The following JAML variants were observed in gnomAD, a reference collection of about 807,000 sequenced individuals.
The protein encoded by JAML is junctional adhesion molecule-like.
A neutral mutation model predicts 39.3 loss-of-function variants in JAML; 25 were observed. That is an observed-to-expected ratio of 0.64 (90% CI 0.46 to 0.89). The LOEUF (loss-of-function observed/expected upper bound fraction) is 0.89. Ranked by LOEUF, JAML falls within the 40% of genes least tolerant of loss-of-function variation. JAML has a pLI of 0.00. For synonymous variants in JAML, 162 were observed against 179.2 expected, an observed-to-expected ratio of 0.90 and a Z score of 0.77; for missense variants, 440 against 486.9, an observed-to-expected ratio of 0.90 and a Z score of 0.91.
In JAML at chr11:118,210,732, T is replaced by C; in HGVS notation, c.199-20A>G. ...TTCGTCCTGAAGGGCAAAACAGTGTTGGAGACAATCAAAAGAGGTGCCAGA... is the reference window on the plus strand; with the variant it reads ...TTCGTCCTGAAGGGCAAAACAGTGTCGGAGACAATCAAAAGAGGTGCCAGA... On this transcript the variant is annotated intron_variant, in intron 3 of 9. Coordinates refer to ENST00000356289, the MANE Select transcript of JAML (RefSeq NM_001098526.2). The C allele has an allele frequency of 6.2e-7, 1 of 1,603,656 alleles. No individual in the cohort carries two copies. The highest frequency in any genetic ancestry group is 8.5e-7 in the Non-Finnish European group (1 of 1,170,552).
intron 5 of JAML, chr11:118,204,040 C>CA (rs1000616177): frequency 4.2e-6 from 1 of 236,874 alleles, no homozygotes; most frequent in Non-Finnish European, 8.5e-6. Flanking sequence ...ATCTTTCCCC[C>CA]AAACCAGTTC....
At chr11:118,218,389 G>A (rs964159652) in intron 1 of JAML, among the ~76,000 whole-genome samples, 1 of 152,084 alleles carries the variant, frequency 6.6e-6, no homozygotes, top group Admixed American at 6.5e-5. Context: ...TGCTATGCCC[G>A]GCAGCCACAT....
At chr11:118,201,012 C>T (rs2134648579) in intron 6 of JAML, 2 of 173,230 alleles carry the variant, frequency 1.2e-5, no homozygotes, top group South Asian at 2.6e-4. Context: ...GTGACGATAC[C>T]AAGTAAAGCC....
At chr11:118,202,718 A>G (rs1157594913) in intron 6 of JAML, 1 of 345,750 alleles carries the variant, frequency 2.9e-6, no homozygotes, top group African/African-American at 2.2e-5. Flanking sequence ...GGCCTGAGGT[A>G]TGAGGTATGT....
chr11:118,210,273 G>T lies in JAML; in HGVS notation c.424+214C>A, dbSNP rs543010869. Among the ~76,000 whole-genome samples, 55 of 152,246 alleles carry T rather than the reference G, an allele frequency of 3.6e-4. 1 individual carries two copies. In the South Asian group the frequency reaches 0.011, roughly 31 times the overall value. ...CAGGGCTTTTGTGAGGGGGAAGTGT[G>T]TTTAAAGTAATAATACAATAATTAT... On this transcript the variant is annotated intron_variant, in intron 4 of 9. Coordinates refer to ENST00000356289, the MANE Select transcript of JAML (RefSeq NM_001098526.2).
chr11:118,206,745 G>A (rs1397380836), intron 4 of JAML, among the ~76,000 whole-genome samples: 2 of 151,970 alleles, frequency 1.3e-5, no homozygotes, highest in Non-Finnish European at 2.9e-5. Context: ...TCTTCCTTCT[G>A]ACTATTGTAC....
At chr11:118,203,838 C>T (rs974239627) in intron 5 of JAML, 173 bp from the exon 6 acceptor site, 7 of 604,444 alleles carry the variant, frequency 1.2e-5, no homozygotes, top group South Asian at 5.8e-5. Context: ...CATGTGCATG[C>T]GTGTGTACTT....
chr11:118,194,514 GC>G, intron 9 of JAML, 97 bp from the exon 10 acceptor site: 1 of 928,712 alleles, frequency 1.1e-6, no homozygotes, highest in Non-Finnish European at 1.7e-6. Context: ...CATGAGCCCG[GC>G]CCAGTACTGA....
intron 7 of JAML, among the ~76,000 whole-genome samples, chr11:118,199,283 A>C (rs1591459887): frequency 6.6e-6 from 1 of 152,218 alleles, no homozygotes; most frequent in Non-Finnish European, 1.5e-5. Flanking sequence ...CGACAGGGGA[A>C]GTAAGCTGAG....
chr11:118,202,442 A>G (rs1452981698), intron 6 of JAML: 1 of 156,456 alleles, frequency 6.4e-6, no homozygotes, highest in Non-Finnish European at 1.4e-5. Context: ...TCAAAGAGCC[A>G]TGTTGTAAGG....
At chr11:118,212,735 A>G in intron 2 of JAML, 174 bp from the exon 3 acceptor site, 1 of 1,526,664 alleles carries the variant, frequency 6.6e-7, no homozygotes, top group Non-Finnish European at 8.8e-7. Flanking sequence ...AGTTACCTAT[A>G]TGGCTCATCA....
intron 8 of JAML, chr11:118,197,100 T>C (rs1948674409): frequency 2.9e-6 from 1 of 346,656 alleles, no homozygotes; most frequent in Admixed American, 4.4e-5. Context: ...GTTCCTTATC[T>C]TGCTAAATTC....
chr11:118,215,009 A>G, intron 1 of JAML, 123 bp from the exon 2 acceptor site: 1 of 780,556 alleles, frequency 1.3e-6, no homozygotes, highest in East Asian at 2.7e-5. Context: ...AGCATTGAAC[A>G]AGAAAAACAG....
At position 118,194,024 on chromosome 11, in the gene JAML, C is replaced by T. The variant is rs1262694016; in HGVS notation, c.*301G>A. ...AGTAACTCATCCACTAAGAACCCTG[C>T]CCACAGGAGGGTCTGATCCAACGGG... On this transcript the variant is annotated 3_prime_UTR_variant, in exon 10 of 10. Transcript: ENST00000356289. 6 of 318,898 alleles carry T rather than the reference C, an allele frequency of 1.9e-5. No individual in the cohort carries two copies. Among genetic ancestry groups the T allele is most frequent in the Non-Finnish European group, 3.6e-5 (6 of 166,492 alleles). The allele number at this position is 318,898 out of a possible 1,614,324, so 19.8% of individuals were successfully genotyped here.
At position 118,214,664 on chromosome 11, in the gene JAML, C is replaced by T. The variant is rs1949117060; in HGVS notation, c.43+160G>A. ...TCCCAAGAAACCATAAGCTAGTTGG[C>T]TTCAACAACAGCTGCTTCAACAAAA... On this transcript the variant is annotated intron_variant, in intron 2 of 9. Transcript: ENST00000356289. Among the ~76,000 whole-genome samples, 3 of 152,162 alleles carry T rather than the reference C, an allele frequency of 2.0e-5. No homozygotes were observed. The South Asian group carries it at 6.2e-4, about 32-fold the overall frequency.
intron 1 of JAML, among the ~76,000 whole-genome samples, chr11:118,215,554 C>T (rs1340533598): frequency 6.6e-6 from 1 of 151,920 alleles, no homozygotes. Flanking sequence ...CACTGTGTTG[C>T]CCAAGCTGGT....
chr11:118,210,283 A>G (rs1949020551), intron 4 of JAML, among the ~76,000 whole-genome samples: 1 of 152,232 alleles, frequency 6.6e-6, no homozygotes, highest in African/African-American at 2.4e-5. Flanking sequence ...GTTTAAAGTA[A>G]TAATACAATA....
At chr11:118,221,007 C>A (rs539463692) in intron 1 of JAML, among the ~76,000 whole-genome samples, 3 of 152,296 alleles carry the variant, frequency 2.0e-5, no homozygotes, top group African/African-American at 7.2e-5. Flanking sequence ...GTAAAATTAT[C>A]AATTTCCCCT....
chr11:118,223,658 CT>C (rs1555109308), intron 1 of JAML, among the ~76,000 whole-genome samples: 3 of 152,018 alleles, frequency 2.0e-5, no homozygotes, highest in Non-Finnish European at 4.4e-5. Context: ...AGATTTTTGC[CT>C]TTTAGAAATT....
Sources: allele counts gnomAD v4.1 joint callset (sites outside exome capture counted in the v4.1 genomes callset), GRCh38; gene constraint gnomAD v4.1.1; transcripts MANE v1.5; gene names NCBI Gene and HGNC (gene_info 2026-07-23, HGNC 2026-07-21).